The following LRRC37B variants were observed in gnomAD, a reference collection of about 807,000 sequenced individuals.
LRRC37B encodes leucine-rich repeat-containing protein 37B.
A neutral mutation model predicts 98.3 loss-of-function variants in LRRC37B; 28 were observed. That is an observed-to-expected ratio of 0.28 (90% CI 0.21 to 0.39). The LOEUF (loss-of-function observed/expected upper bound fraction) is 0.39, where lower values mean the gene tolerates loss of function less well. Among genes scored for constraint, LRRC37B ranks in the 10% least tolerant of loss-of-function variants. The pLI, the probability that LRRC37B is intolerant of heterozygous loss-of-function variation, is 1.00. For missense variants in LRRC37B, 938 were observed against 1,182.7 expected, an observed-to-expected ratio of 0.79 and a Z score of 3.03; for synonymous variants, 364 against 442.7, an observed-to-expected ratio of 0.82 and a Z score of 2.23.
intron 5 of LRRC37B, among the ~76,000 whole-genome samples, chr17:32,032,693 C>A (rs1447924297): frequency 1.3e-5 from 2 of 152,176 alleles, no homozygotes; most frequent in African/African-American, 4.8e-5. Context: ...TCTCTGTCTT[C>A]ATTAATTTGC....
intron 9 of LRRC37B, chr17:32,048,864 T>C (rs2627105): frequency 6.5e-7 from 1 of 1,526,738 alleles, no homozygotes; most frequent in African/African-American, 1.4e-5. Flanking sequence ...GAACGTTTTA[T>C]AGAAAACACT....
At chr17:32,007,855 CA>C, upstream of LRRC37B, 1 of 1,150,678 alleles carries the variant, frequency 8.7e-7, no homozygotes, top group Non-Finnish European at 1.1e-6. The surrounding 1 kb of genome is among the most constrained non-coding windows in gnomAD (Gnocchi z 4.1). Context: ...CCCGCGCCGG[CA>C]CCAGCGCACG....
chr17:32,022,854 C>A (rs1353479152), intron 1 of LRRC37B, 29 bp downstream of exon 4: 5 of 1,601,200 alleles, frequency 3.1e-6, no homozygotes, highest in Admixed American at 1.7e-5. Flanking sequence ...CAATCATCCT[C>A]TGTGTCTTGC....
chr17:32,014,856 G>T (rs1221096699), intron 1 of LRRC37B, among the ~76,000 whole-genome samples: 2 of 152,208 alleles, frequency 1.3e-5, no homozygotes, highest in African/African-American at 4.8e-5. Flanking sequence ...TATAGGCCAG[G>T]CATGGTGGCT....
At chr17:32,022,299 A>G in exon 1 of LRRC37B, 1 of 1,613,978 alleles carries the variant, frequency 6.2e-7, no homozygotes, top group Non-Finnish European at 8.5e-7. Flanking sequence ...TACAGCCCTG[A>G]GGACTACAGA....
exon 1 of LRRC37B, chr17:32,021,447 T>C (rs761042992): frequency 6.2e-7 from 1 of 1,614,050 alleles, no homozygotes; most frequent in Admixed American, 1.7e-5. Flanking sequence ...CCTGAAGGAA[T>C]TGGATTCAGC....
chr17:32,019,657 T>A (rs1276469026), upstream of LRRC37B, among the ~76,000 whole-genome samples: 2 of 152,220 alleles, frequency 1.3e-5, no homozygotes, highest in Non-Finnish European at 2.9e-5. Flanking sequence ...CACTCCAAAG[T>A]TGCAAAGTGT....
intron 8 of LRRC37B, 192 bp from the exon 12 acceptor site, chr17:32,047,569 G>A: frequency 1.4e-6 from 1 of 711,854 alleles, no homozygotes; most frequent in Admixed American, 2.5e-5. Flanking sequence ...CCAAGTAGGT[G>A]GCCATGTCTT....
At chr17:32,039,114 G>A (rs1911331430) in intron 7 of LRRC37B, among the ~76,000 whole-genome samples, 1 of 151,984 alleles carries the variant, frequency 6.6e-6, no homozygotes, top group Admixed American at 6.6e-5. Context: ...ATGGTGTGAG[G>A]TTTATTGTTT....
At chr17:32,015,230 G>A (rs1910625354) in intron 1 of LRRC37B, among the ~76,000 whole-genome samples, 2 of 152,218 alleles carry the variant, frequency 1.3e-5, no homozygotes, top group African/African-American at 4.8e-5. Context: ...AAAGAGCACA[G>A]CCTTGTTCAG....
intron 1 of LRRC37B, among the ~76,000 whole-genome samples, 189 bp downstream of exon 1, chr17:32,008,321 G>C (rs1053274113): frequency 6.6e-6 from 1 of 152,186 alleles, no homozygotes; most frequent in Non-Finnish European, 1.5e-5. Context: ...GAAGCACATT[G>C]TTCAAAATGG....
upstream of LRRC37B, chr17:32,017,130 A>G (rs1910661378): frequency 6.6e-6 from 1 of 152,220 alleles, no homozygotes; most frequent in African/African-American, 2.4e-5. Context: ...TTCATAGACC[A>G]AAAGCATTAT....
chr17:32,025,332 A>T (rs1316740315), intron 2 of LRRC37B, among the ~76,000 whole-genome samples: 2 of 151,712 alleles, frequency 1.3e-5, no homozygotes, highest in African/African-American at 2.4e-5. Flanking sequence ...CACCACCCCC[A>T]GCCCATGATT....
exon 1 of LRRC37B, chr17:32,021,833 G>C (rs1910800062): frequency 6.2e-7 from 1 of 1,614,044 alleles, no homozygotes; most frequent in African/African-American, 1.3e-5. Context: ...ATTTGAGTAT[G>C]GACACACTGT....
intron 7 of LRRC37B, among the ~76,000 whole-genome samples, chr17:32,038,758 T>G (rs1911322214): frequency 6.6e-6 from 1 of 152,082 alleles, no homozygotes; most frequent in South Asian, 2.1e-4. Context: ...CTCAGGAGGC[T>G]GAGGCACAAG....
chr17:32,021,835 A>G (rs773563398), exon 1 of LRRC37B: 1 of 1,614,166 alleles, frequency 6.2e-7, no homozygotes, highest in Non-Finnish European at 8.5e-7. Flanking sequence ...TTGAGTATGG[A>G]CACACTGTAT....
At chr17:32,021,798 C>G (rs780680055) in exon 1 of LRRC37B, 1 of 1,614,208 alleles carries the variant, frequency 6.2e-7, no homozygotes, top group Non-Finnish European at 8.5e-7. Context: ...ACCTCAGCGT[C>G]AGAAACAGAC....
At chr17:32,050,995 C>G (rs1386080471) in intron 11 of LRRC37B, 2 of 152,252 alleles carry the variant, frequency 1.3e-5, no homozygotes, top group African/African-American at 4.8e-5. Flanking sequence ...CCTTATTTGC[C>G]TCATTGGCCA....
At chr17:32,020,658 G>A (rs148000725), upstream of LRRC37B, 4 of 343,352 alleles carry the variant, frequency 1.2e-5, no homozygotes, top group East Asian at 2.1e-4. Flanking sequence ...ACTGTAACGC[G>A]CGTCCTGCCT....
Sources: allele counts gnomAD v4.1 joint callset (sites outside exome capture counted in the v4.1 genomes callset), GRCh38; gene constraint gnomAD v4.1.1; non-coding constraint Gnocchi (gnomAD v3.1); transcripts MANE v1.5; gene names NCBI Gene and HGNC (gene_info 2026-07-23, HGNC 2026-07-21).